C7: variants seen among roughly 807,000 people sequenced by gnomAD.
C7 encodes complement C7, also known as complement component C7.
In C7, 83 loss-of-function variants were observed where a neutral mutation model predicts 104.8. The observed-to-expected ratio is 0.79, with a 90% confidence interval of 0.66 to 0.95. C7 has a LOEUF of 0.95. Among genes scored for constraint, C7 ranks in the 40% least tolerant of loss-of-function variants. The probability of loss-of-function intolerance (pLI) is 0.00; values close to 1 mark genes in which losing one functional copy is unlikely to be tolerated. For synonymous variants in C7, 415 were observed against 360.6 expected, an observed-to-expected ratio of 1.15 and a Z score of -1.71; for missense variants, 1,070 against 1,011.2, an observed-to-expected ratio of 1.06 and a Z score of -0.79.
chr5:40,979,803 C>G lies in C7; in HGVS notation c.2244C>G (p.Leu748=). The stretch of plus-strand genomic sequence containing the variant: ...TGACAGTTTGCAAGATGCATGTTCT[C>G]CACTGTCAGGGTAGAAATTACACCC... ...LPLTVCKMHV[L]HCQGRNYTLT... Residue 748 remains leucine (L), a synonymous_variant, in exon 17 of 18, where the codon CTC becomes CTG. Coordinates refer to ENST00000313164, the MANE Select transcript of C7 (RefSeq NM_000587.4). 2 of 1,613,484 alleles carry G rather than the reference C, an allele frequency of 1.2e-6. No homozygotes were observed. Among genetic ancestry groups the G allele is most frequent in the Non-Finnish European group, 1.7e-6 (2 of 1,179,502 alleles).
rs572305000 is a variant in C7, at chr5:40,957,616, C to T, written c.1261-417C>T. 8.0e-4 allele frequency among the ~76,000 whole-genome samples: 121 copies of T among 152,028 alleles called. 1 individual carries two copies. Among genetic ancestry groups the T allele is most frequent in the Admixed American group, 6.7e-3 (102 of 15,246 alleles). ...GATTACAGACATGCGCCACCACACC[C>T]TGCTAATTTTGTATTTTTAGTAGAG... On this transcript the variant is annotated intron_variant, in intron 10 of 17. Transcript: ENST00000313164.
At chr5:40,966,382 T>C (rs1740551678) in intron 14 of C7, among the ~76,000 whole-genome samples, 1 of 151,904 alleles carries the variant, frequency 6.6e-6, no homozygotes, top group African/African-American at 2.4e-5. Context: ...CTTTCTTTTT[T>C]TTTTTTTGAG....
chr5:40,919,855 C>T lies in C7; in HGVS notation c.7-8725C>T, dbSNP rs771792406. 7.9e-5 allele frequency among the ~76,000 whole-genome samples: 12 copies of T among 151,592 alleles called. 1 individual carries two copies. The Middle Eastern group carries it at 0.01, about 129-fold the overall frequency. On this transcript the variant is annotated intron_variant, in intron 1 of 17. Coordinates refer to ENST00000313164, the MANE Select transcript of C7 (RefSeq NM_000587.4). The stretch of plus-strand genomic sequence containing the variant: ...ACAGCAAAAACAGTTCAAAGAGGAA[C>T]GTTTATAACAATAAATGTCTACATC...
chr5:40,978,259 C>A (rs1740862839), intron 16 of C7, among the ~76,000 whole-genome samples: 1 of 151,572 alleles, frequency 6.6e-6, no homozygotes, highest in Non-Finnish European at 1.5e-5. Flanking sequence ...TTGTATATAG[C>A]AATTTCTGGT....
intron 13 of C7, among the ~76,000 whole-genome samples, chr5:40,962,957 T>C (rs2111677777): frequency 6.6e-6 from 1 of 152,298 alleles, no homozygotes; most frequent in South Asian, 2.1e-4. Flanking sequence ...ATGAAAGTTG[T>C]GTGTTCACGC....
intron 15 of C7, among the ~76,000 whole-genome samples, chr5:40,975,205 G>T (rs1312649255): frequency 2.6e-5 from 4 of 151,452 alleles, no homozygotes; most frequent in African/African-American, 9.8e-5. Flanking sequence ...AACACAACTT[G>T]GTTAAAACTA....
chr5:40,981,312 A>G lies in C7; in HGVS notation c.2351-80A>G, dbSNP rs1180036832. On this transcript the variant is annotated intron_variant, in intron 17 of 17. Transcript: ENST00000313164. ...GAGCTTCTACAGCTCTGATCACCACATTATTACTTTGGAGGTGATGTTCTT... is the reference window on the plus strand; with the variant it reads ...GAGCTTCTACAGCTCTGATCACCACGTTATTACTTTGGAGGTGATGTTCTT... 5.3e-6 allele frequency: 7 copies of G among 1,323,982 alleles called. No homozygotes were observed. The Admixed American group carries it at 9.8e-5, about 19-fold the overall frequency. 82.0% of individuals were successfully genotyped at this position (1,323,982 alleles called of 1,614,324 possible). A position where few individuals can be genotyped will look rare whatever the true frequency, so the allele number is the denominator to read the frequency against.
intron 7 of C7, 23 bp downstream of exon 7, chr5:40,945,391 C>A: frequency 6.6e-7 from 1 of 1,517,420 alleles, no homozygotes; most frequent in Non-Finnish European, 8.9e-7. Context: ...TGTCAGTTAA[C>A]TTTTCCATGT....
chr5:40,921,361 C>T (rs28831497), intron 1 of C7, among the ~76,000 whole-genome samples: 1 of 151,686 alleles, frequency 6.6e-6, no homozygotes, highest in Non-Finnish European at 1.5e-5. Context: ...AAAATTAATA[C>T]CATTAAAATA....
intron 3 of C7, 104 bp from the exon 4 acceptor site, chr5:40,934,220 AT>A (rs1232400022): frequency 2.5e-6 from 3 of 1,181,282 alleles, no homozygotes; most frequent in African/African-American, 3.1e-5. Flanking sequence ...TGTTTTTCTA[AT>A]TGTATTACTT....
rs1740993747 is a variant in C7, at chr5:40,983,441, A to T, written c.*1868A>T. Among the ~76,000 whole-genome samples the T allele has an allele frequency of 6.6e-6, 1 of 152,188 alleles. No homozygotes were observed. Among genetic ancestry groups the T allele is most frequent in the Admixed American group, 6.5e-5 (1 of 15,288 alleles). On this transcript the variant is annotated 3_prime_UTR_variant, in exon 18 of 18. Coordinates refer to ENST00000313164, the MANE Select transcript of C7 (RefSeq NM_000587.4). ...GAAAGAAAGGAAATGAGTAGATGTAACTAAGAGGTTTGAGAAAGGAATTTC... is the reference window on the plus strand; with the variant it reads ...GAAAGAAAGGAAATGAGTAGATGTATCTAAGAGGTTTGAGAAAGGAATTTC...
chr5:40,978,483 T>A (rs1043745451), intron 16 of C7, among the ~76,000 whole-genome samples: 3 of 152,224 alleles, frequency 2.0e-5, no homozygotes, highest in African/African-American at 7.2e-5. Context: ...CATTCCATGG[T>A]CTCAGATACT....
rs756992470 is a variant in C7, at chr5:40,931,143, G to A, written c.138+4G>A. The A allele has an allele frequency of 6.2e-7, 1 of 1,609,266 alleles. No individual in the cohort carries two copies. On this transcript the variant is annotated splice_donor_region_variant and intron_variant, in intron 3 of 17. Coordinates refer to ENST00000313164, the MANE Select transcript of C7 (RefSeq NM_000587.4). Reference sequence around the variant, plus strand: ...CAATGGCTGTACCAAGACTCAGGTAGGACCATGCAAAACTTTGTATTTGAT... The same window carrying A: ...CAATGGCTGTACCAAGACTCAGGTAAGACCATGCAAAACTTTGTATTTGAT...
At chr5:40,937,059 A>G (rs1561243615) in intron 5 of C7, among the ~76,000 whole-genome samples, 1 of 152,158 alleles carries the variant, frequency 6.6e-6, no homozygotes, top group Non-Finnish European at 1.5e-5. Context: ...AAAATAACCT[A>G]TTTTAGAGTG....
intron 3 of C7, among the ~76,000 whole-genome samples, chr5:40,931,382 A>T (rs996978054): frequency 2.6e-5 from 4 of 152,214 alleles, no homozygotes; most frequent in African/African-American, 9.6e-5. Context: ...TGGAGCTAGA[A>T]ATGTATATAG....
chr5:40,978,873 A>ATT lies in C7; in HGVS notation c.2166-829_2166-828dup, dbSNP rs372551834. ...GAGGAAGGTAACACATTTTATGGAA[A>ATT]TTTTTTTTTTTTTTTTTTTTTTTTG... On this transcript the variant is annotated intron_variant, in intron 16 of 17. Coordinates refer to ENST00000313164, the MANE Select transcript of C7 (RefSeq NM_000587.4). Among the ~76,000 whole-genome samples the ATT allele has an allele frequency of 2.7e-3, 213 of 80,054 alleles. 6 individuals carry two copies. Among genetic ancestry groups the ATT allele is most frequent in the Middle Eastern group, 8.1e-3 (1 of 124 alleles). 52.5% of individuals were successfully genotyped at this position (80,054 alleles called of 152,430 possible). A position where few individuals can be genotyped will look rare whatever the true frequency, so the allele number is the denominator to read the frequency against.
intron 4 of C7, among the ~76,000 whole-genome samples, chr5:40,935,454 T>C (rs897171732): frequency 6.6e-6 from 1 of 152,118 alleles, no homozygotes; most frequent in African/African-American, 2.4e-5. Context: ...GCACCAAACA[T>C]CCTATGAGGA....
At chr5:40,938,286 T>C (rs565431603) in intron 6 of C7, among the ~76,000 whole-genome samples, 1 of 152,342 alleles carries the variant, frequency 6.6e-6, no homozygotes, top group African/African-American at 2.4e-5. Context: ...AAATGCTTAT[T>C]CTTTATATGT....
At chr5:40,974,440 C>T (rs1209473115) in intron 15 of C7, among the ~76,000 whole-genome samples, 1 of 144,508 alleles carries the variant, frequency 6.9e-6, no homozygotes, top group East Asian at 2.0e-4. Context: ...TTTTGAGATG[C>T]AGTCTCGTTC....
Sources: gnomAD v4.1 joint callset for allele counts (sites outside exome capture counted in the v4.1 genomes callset) on GRCh38, gnomAD v4.1.1 for gene constraint, MANE v1.5 for transcripts, NCBI Gene and HGNC (gene_info 2026-07-23, HGNC 2026-07-21) for gene names.